METTL15: variants seen among roughly 807,000 people sequenced by gnomAD.
METTL15 encodes the protein methyltransferase 15, mitochondrial 12S rRNA N4-cytidine.
Under a neutral mutation model 38.3 loss-of-function variants are expected in METTL15, and 34 were observed. The observed-to-expected ratio is 0.89, with a 90% CI of 0.68 to 1.18. The LOEUF (loss-of-function observed/expected upper bound fraction) is 1.18, where lower values mean the gene tolerates loss of function less well. METTL15 is among the 50% of genes most tolerant of loss of function. The pLI is 0.00. For synonymous variants in METTL15, 162 were observed against 170.9 expected, an observed-to-expected ratio of 0.95 and a Z score of 0.41; for missense variants, 438 against 498.4, an observed-to-expected ratio of 0.88 and a Z score of 1.15.
intron 5 of METTL15, among the ~76,000 whole-genome samples, chr11:28,407,410 C>T (rs887489147): frequency 6.6e-6 from 1 of 152,072 alleles, no homozygotes; most frequent in African/African-American, 2.4e-5. Context: ...TGCAATTTAT[C>T]CTTCTGACAA....
intron 3 of METTL15, among the ~76,000 whole-genome samples, chr11:28,124,252 T>C (rs544074098): frequency 3.2e-4 from 48 of 152,226 alleles, no homozygotes; most frequent in African/African-American, 1.1e-3. Flanking sequence ...TCTTCAGAGC[T>C]TGTTATCAGG....
At chr11:28,460,603 A>G (rs1018740744) in intron 6 of METTL15, among the ~76,000 whole-genome samples, 27 of 152,236 alleles carry the variant, frequency 1.8e-4, no homozygotes, top group Admixed American at 3.3e-4. Context: ...TGGAATATCT[A>G]CTATATATTG....
intron 4 of METTL15, among the ~76,000 whole-genome samples, chr11:28,262,082 G>A (rs1160222495): frequency 6.6e-6 from 1 of 152,078 alleles, no homozygotes; most frequent in African/African-American, 2.4e-5. Context: ...GAACACTTAA[G>A]GCAGGCCATA....
intron 5 of METTL15, among the ~76,000 whole-genome samples, chr11:28,390,188 C>T (rs1039774165): frequency 2.6e-5 from 4 of 151,888 alleles, no homozygotes; most frequent in African/African-American, 9.7e-5. Context: ...TGCCTGTTCA[C>T]TCTGATGGTA....
intron 3 of METTL15, among the ~76,000 whole-genome samples, chr11:28,119,229 C>T (rs1021666481): frequency 1.3e-5 from 2 of 152,194 alleles, no homozygotes; most frequent in African/African-American, 4.8e-5. Flanking sequence ...ATACACCTCT[C>T]TTAGTAGATT....
At chr11:28,120,423 T>C (rs898234139) in intron 3 of METTL15, among the ~76,000 whole-genome samples, 2 of 152,088 alleles carry the variant, frequency 1.3e-5, no homozygotes, top group Non-Finnish European at 2.9e-5. Flanking sequence ...TGTAGCACAT[T>C]AAGTGGCCTT....
chr11:28,188,605 C>A (rs1851591079), intron 3 of METTL15, among the ~76,000 whole-genome samples: 1 of 151,128 alleles, frequency 6.6e-6, no homozygotes, highest in Non-Finnish European at 1.5e-5. Flanking sequence ...TACTATCATT[C>A]AAAAATTGAT....
At chr11:28,444,942 G>A (rs771255848) in intron 6 of METTL15, among the ~76,000 whole-genome samples, 41 of 152,300 alleles carry the variant, frequency 2.7e-4, no homozygotes, top group South Asian at 1.2e-3. Context: ...AACAGCATCA[G>A]GTGGGGCTTG....
At chr11:28,476,466 T>C (rs1851347372) in intron 6 of METTL15, among the ~76,000 whole-genome samples, 1 of 152,220 alleles carries the variant, frequency 6.6e-6, no homozygotes, top group Admixed American at 6.5e-5. Context: ...TGAGCTTGGC[T>C]GTGAGGTATT....
At chr11:28,153,330 A>C (rs1184598918) in intron 3 of METTL15, among the ~76,000 whole-genome samples, 1 of 152,144 alleles carries the variant, frequency 6.6e-6, no homozygotes, top group Non-Finnish European at 1.5e-5. Flanking sequence ...AATATCTAAT[A>C]TAATGCCTCT....
chr11:28,143,562 G>A (rs557253667), intron 3 of METTL15, among the ~76,000 whole-genome samples: 7 of 152,086 alleles, frequency 4.6e-5, no homozygotes, highest in East Asian at 1.9e-4. Flanking sequence ...TACTATTTAC[G>A]TTGATGTAAC....
intron 3 of METTL15, among the ~76,000 whole-genome samples, chr11:28,122,331 A>ATG (rs1320191811): frequency 3.1e-4 from 20 of 64,646 alleles, no homozygotes; most frequent in African/African-American, 6.4e-4. Flanking sequence ...AGATGTGTGT[A>ATG]TATGTGTGTG....
intron 4 of METTL15, among the ~76,000 whole-genome samples, chr11:28,235,023 T>G (rs1853882775): frequency 2.0e-5 from 3 of 152,120 alleles, no homozygotes; most frequent in African/African-American, 7.2e-5. Flanking sequence ...TTTCTACATG[T>G]GGCTAGCCAG....
chr11:28,344,382 GA>G (rs996123582), intron 3 of METTL15, among the ~76,000 whole-genome samples: 2 of 152,136 alleles, frequency 1.3e-5, no homozygotes, highest in Admixed American at 1.3e-4. Flanking sequence ...CTGAACCTTT[GA>G]AAAATCTAAT....
intron 5 of METTL15, among the ~76,000 whole-genome samples, chr11:28,368,152 C>CAA (rs572862749): frequency 4.1e-4 from 45 of 108,712 alleles, no homozygotes; most frequent in East Asian, 2.4e-3. Flanking sequence ...ACAAAAAAAA[C>CAA]AAAAAAAAAA....
intron 6 of METTL15, among the ~76,000 whole-genome samples, chr11:28,429,516 C>T (rs1457913186): frequency 4.8e-5 from 6 of 126,268 alleles, no homozygotes; most frequent in African/African-American, 1.5e-4. Flanking sequence ...TGCAGGCACG[C>T]GCCGCCACGC....
At position 28,253,661 on chromosome 11, in the gene METTL15, G is replaced by A. The variant is rs188694775; in HGVS notation, c.408-36545G>A. On this transcript the variant is annotated intron_variant, in intron 4 of 6. Coordinates refer to ENST00000407364, the MANE Select transcript of METTL15 (RefSeq NM_001113528.2). ...CGCCAACTACCCTTCTCAGTCTCTG[G>A]TAACCATCCTTCTACTCTATATCTA... Among the ~76,000 whole-genome samples the A allele has an allele frequency of 8.0e-4, 107 of 133,050 alleles. 1 individual carries two copies. Among genetic ancestry groups the A allele is most frequent in the Non-Finnish European group, 1.3e-3 (82 of 65,576 alleles). The allele number at this position is 133,050 out of a possible 152,430, so 87.3% of individuals were successfully genotyped here.
intron 4 of METTL15, among the ~76,000 whole-genome samples, chr11:28,255,784 A>G (rs949819075): frequency 9.9e-5 from 15 of 151,998 alleles, no homozygotes; most frequent in Admixed American, 7.2e-4. Flanking sequence ...GCTCACCGCA[A>G]CCTCCACCTC....
intron 4 of METTL15, among the ~76,000 whole-genome samples, chr11:28,216,280 A>T (rs1339756860): frequency 6.6e-6 from 1 of 152,132 alleles, no homozygotes; most frequent in African/African-American, 2.4e-5. Context: ...TGATACAAGA[A>T]TAGGCAAGTG....
Sources: gnomAD v4.1 joint callset for allele counts (sites outside exome capture counted in the v4.1 genomes callset) on GRCh38, gnomAD v4.1.1 for gene constraint, MANE v1.5 for transcripts, NCBI Gene and HGNC (gene_info 2026-07-23, HGNC 2026-07-21) for gene names.